The following SOX6 variants were observed in gnomAD, a reference collection of about 807,000 sequenced individuals.
SOX6 encodes the protein SRY-box transcription factor 6.
A neutral mutation model predicts 97.8 loss-of-function variants in SOX6; 11 were observed. The observed-to-expected ratio is 0.11, with a 90% CI of 0.07 to 0.19. The LOEUF is 0.19. Ranked by LOEUF, SOX6 falls within the 10% of genes least tolerant of loss-of-function variation. The pLI is 1.00. For missense variants in SOX6, 810 were observed against 1,039.5 expected (o/e 0.78, Z 3.04); for synonymous variants, 360 against 371.4 (o/e 0.97, Z 0.35).
At chr11:16,290,886 T>C (rs1854890647) in intron 3 of SOX6, among the ~76,000 whole-genome samples, 1 of 152,080 alleles carries the variant, frequency 6.6e-6, no homozygotes, top group Non-Finnish European at 1.5e-5. Context: ...CTTTTTAATA[T>C]GCAAATGTGC....
At chr11:16,042,573 A>T (rs770494038) in intron 12 of SOX6, among the ~76,000 whole-genome samples, 3 of 152,174 alleles carry the variant, frequency 2.0e-5, no homozygotes, top group Non-Finnish European at 2.9e-5. Context: ...AGGAATCAGG[A>T]AAGCTGAGAT....
At chr11:16,446,638 TTCC>T (rs1859617699) in intron 1 of SOX6, among the ~76,000 whole-genome samples, 1 of 152,124 alleles carries the variant, frequency 6.6e-6, no homozygotes, top group African/African-American at 2.4e-5. Context: ...TGGTCATTTT[TTCC>T]TCCATTTTCT....
intron 6 of SOX6, among the ~76,000 whole-genome samples, chr11:16,132,444 A>AGAAAGAAAAAAGAAAGAAAGAAAG (rs1554934020): frequency 3.7e-5 from 1 of 27,230 alleles, no homozygotes; most frequent in African/African-American, 1.7e-4. Context: ...AAAGAAAGAA[A>AGAAAGAAAAAAGAAAGAAAGAAAG]AAAGAAAGAA....
intron 3 of SOX6, among the ~76,000 whole-genome samples, chr11:16,249,115 G>GA (rs980984308): frequency 1.0e-4 from 15 of 147,680 alleles, no homozygotes; most frequent in Non-Finnish European, 1.7e-4. Context: ...AAAAGAAAAA[G>GA]AAAAAAAAAA....
intron 1 of SOX6, among the ~76,000 whole-genome samples, chr11:16,451,065 T>C (rs947553837): frequency 1.3e-5 from 2 of 151,796 alleles, no homozygotes; most frequent in African/African-American, 2.4e-5. Flanking sequence ...ACACTGTCTC[T>C]ACAAAAAAAT....
chr11:16,022,331 T>TTCCTTCC lies in SOX6; in HGVS notation c.1624-7282_1624-7281insGGAAGGA, dbSNP rs1855085967. ...TTTTCCTTCCTTCCTTCCTTCCTTCTTTCCTTCCTTCCTTCCTTCCTTCCT... is the reference window on the plus strand; with the variant it reads ...TTTTCCTTCCTTCCTTCCTTCCTTCTTCCTTCCTTCCTTCCTTCCTTCCTTCCTTCCT... On this transcript the variant is annotated intron_variant, in intron 12 of 15. Coordinates refer to ENST00000683767, the MANE Select transcript of SOX6 (RefSeq NM_001367873.1). Among the ~76,000 whole-genome samples, 3 of 113,788 alleles carry TTCCTTCC rather than the reference T, an allele frequency of 2.6e-5. No homozygotes were observed. The Admixed American group carries it at 2.7e-4, about 10-fold the overall frequency. 74.6% of individuals were successfully genotyped at this position (113,788 alleles called of 152,430 possible). A position where few individuals can be genotyped will look rare whatever the true frequency, so the allele number is the denominator to read the frequency against.
rs373276184 is a variant in SOX6, at chr11:16,619,006, A to G, written n.430-6746T>C. Among the ~76,000 whole-genome samples the G allele has an allele frequency of 3.8e-4, 58 of 152,110 alleles. No homozygotes were observed. In the South Asian group the frequency reaches 0.012, roughly 30 times the overall value. Reference sequence around the variant, plus strand: ...GTGCAGTAGACAATCCATCTTACCAAGTTTTACTTATTGGTGTGAAAGTGT... The same window carrying G: ...GTGCAGTAGACAATCCATCTTACCAGGTTTTACTTATTGGTGTGAAAGTGT... On this transcript the variant is annotated intron_variant and non_coding_transcript_variant, in intron 3 of 5. Coordinates refer to the SOX6 transcript ENST00000524520.
At chr11:15,993,904 G>A (rs916780933) in intron 13 of SOX6, among the ~76,000 whole-genome samples, 1 of 152,192 alleles carries the variant, frequency 6.6e-6, no homozygotes, top group East Asian at 1.9e-4. Flanking sequence ...CCCCTTCGTG[G>A]TTAAATTCCA....
intron 12 of SOX6, among the ~76,000 whole-genome samples, chr11:16,036,956 A>T (rs910292568): frequency 6.6e-6 from 1 of 152,198 alleles, no homozygotes; most frequent in African/African-American, 2.4e-5. Flanking sequence ...CAGCCTTTCT[A>T]AAGTTGCATT....
At chr11:16,150,528 C>T (rs1336886726) in intron 6 of SOX6, among the ~76,000 whole-genome samples, 1 of 152,094 alleles carries the variant, frequency 6.6e-6, no homozygotes, top group Non-Finnish European at 1.5e-5. Flanking sequence ...AACCTATAAA[C>T]AAATGAAACT....
intron 1 of SOX6, among the ~76,000 whole-genome samples, chr11:16,440,653 C>T (rs1590204623): frequency 6.6e-6 from 1 of 152,144 alleles, no homozygotes; most frequent in African/African-American, 2.4e-5. Context: ...AAATTTACTT[C>T]CCTTTCAAGT....
At chr11:16,463,147 G>A (rs969368467) in intron 1 of SOX6, among the ~76,000 whole-genome samples, 3 of 152,184 alleles carry the variant, frequency 2.0e-5, no homozygotes, top group Non-Finnish European at 2.9e-5. Flanking sequence ...CCCTGCTGGT[G>A]TACCGGAATG....
chr11:16,403,405 CTG>C (rs1858611148), intron 1 of SOX6, among the ~76,000 whole-genome samples: 1 of 151,698 alleles, frequency 6.6e-6, no homozygotes, highest in Non-Finnish European at 1.5e-5. Flanking sequence ...TACCGGCACT[CTG>C]TAGAATTGTT....
At chr11:16,715,179 T>C (rs1278156464) in intron 2 of SOX6, among the ~76,000 whole-genome samples, 3 of 152,180 alleles carry the variant, frequency 2.0e-5, no homozygotes, top group Non-Finnish European at 4.4e-5. Flanking sequence ...CTAGCCTTAA[T>C]TGAGAAGGGC....
intron 4 of SOX6, among the ~76,000 whole-genome samples, chr11:16,566,733 A>T (rs2133195880): frequency 6.6e-6 from 1 of 152,370 alleles, no homozygotes; most frequent in South Asian, 2.1e-4. Context: ...GCTCATGGAA[A>T]GGTAAAATGA....
rs1853613747 is a variant in SOX6 at position 15,980,088 on chromosome 11, AG to A, written c.2183+6115del. On this transcript the variant is annotated intron_variant, in intron 15 of 15. Transcript: ENST00000683767. ...ATGAAAATTCTAAGTAATCTATTTC[AG>A]GGAAGAAAAGATGTAATGAGACTAG... 4.6e-5 allele frequency among the ~76,000 whole-genome samples: 7 copies of A among 152,234 alleles called. No individual in the cohort carries two copies. In the South Asian group the frequency reaches 1.4e-3, roughly 32 times the overall value.
At chr11:16,509,273 C>G (rs1049133240) in intron 4 of SOX6, among the ~76,000 whole-genome samples, 1 of 151,784 alleles carries the variant, frequency 6.6e-6, no homozygotes, top group African/African-American at 2.4e-5. Context: ...GATCTTGACA[C>G]ATATTATTTA....
upstream of SOX6, among the ~76,000 whole-genome samples, chr11:16,479,398 T>C (rs892416888): frequency 2.0e-5 from 3 of 151,760 alleles, no homozygotes; most frequent in African/African-American, 7.3e-5. Flanking sequence ...GGTGTGGTGG[T>C]GCACACCTGT....
chr11:16,240,687 T>G (rs1853169164), intron 3 of SOX6, among the ~76,000 whole-genome samples: 1 of 151,972 alleles, frequency 6.6e-6, no homozygotes, highest in Non-Finnish European at 1.5e-5. Context: ...AATGCCAATC[T>G]AGAAAAAGAG....
Sources: gnomAD v4.1 joint callset for allele counts (sites outside exome capture counted in the v4.1 genomes callset) on GRCh38, gnomAD v4.1.1 for gene constraint, MANE v1.5 for transcripts, NCBI Gene and HGNC (gene_info 2026-07-23, HGNC 2026-07-21) for gene names.